Variants in SRGAP2B observed in about 807,000 individuals in gnomAD.
SRGAP2B encodes the protein SLIT-ROBO Rho GTPase-activating protein 2B.
In SRGAP2B, 9 loss-of-function variants were observed where a neutral mutation model predicts 22.2. That is an observed-to-expected ratio of 0.41 (90% CI 0.24 to 0.71). The LOEUF (loss-of-function observed/expected upper bound fraction) is 0.71, where lower values mean the gene tolerates loss of function less well. Ranked by LOEUF, SRGAP2B falls within the 30% of genes least tolerant of loss-of-function variation. The pLI, the probability that SRGAP2B is intolerant of heterozygous loss-of-function variation, is 0.35. For missense variants in SRGAP2B, 114 were observed against 235.8 expected (o/e 0.48, Z 3.38); for synonymous variants, 36 against 87.4 (o/e 0.41, Z 3.28).
At chr1:145,010,708 T>C (rs1400144516) in intron 2 of SRGAP2B, among the ~76,000 whole-genome samples, 6 of 150,716 alleles carry the variant, frequency 4.0e-5, no homozygotes, top group African/African-American at 1.2e-4. Flanking sequence ...GCCACCCTTC[T>C]GTTTATGTGT....
intron 2 of SRGAP2B, among the ~76,000 whole-genome samples, chr1:145,030,005 C>G (rs1386821084): frequency 6.9e-6 from 1 of 145,546 alleles, no homozygotes; most frequent in Non-Finnish European, 1.5e-5. Flanking sequence ...GTTAAATTCA[C>G]TCTGTGATTT....
chr1:145,058,186 C>T (rs1553630762), intron 2 of SRGAP2B, among the ~76,000 whole-genome samples: 1 of 149,254 alleles, frequency 6.7e-6, no homozygotes, highest in Non-Finnish European at 1.5e-5. Flanking sequence ...CCTTAGTTTC[C>T]TCACTTCTGA....
intron 2 of SRGAP2B, among the ~76,000 whole-genome samples, chr1:145,025,924 G>A (rs1442186625): frequency 6.7e-6 from 1 of 150,166 alleles, no homozygotes; most frequent in African/African-American, 2.4e-5. Flanking sequence ...ATGGTCTGGG[G>A]GTACCTACAA....
At chr1:145,020,786 T>A (rs1672744822) in intron 2 of SRGAP2B, among the ~76,000 whole-genome samples, 1 of 150,096 alleles carries the variant, frequency 6.7e-6, no homozygotes. Context: ...AAAAAAAGGG[T>A]CTTCTACTCT....
intron 7 of SRGAP2B, among the ~76,000 whole-genome samples, chr1:144,898,578 C>G (rs1403043481): frequency 1.3e-5 from 2 of 149,998 alleles, no homozygotes; most frequent in African/African-American, 5.0e-5. Context: ...AAAGAAGAAT[C>G]TATGCATAGA....
In SRGAP2B at chr1:145,030,373, AGC is replaced by A. The variant is rs1355634812; in HGVS notation, c.68-35175_68-35174del. ...TATATTCCATGTTTGAATACTATAC[AGC>A]CATAAAAAAGGATGAGTTCAAGTCC... On this transcript the variant is annotated intron_variant, in intron 2 of 9. Coordinates refer to ENST00000612199, the Ensembl canonical transcript of SRGAP2B. Among the ~76,000 whole-genome samples, 114 of 149,152 alleles carry A rather than the reference AGC, an allele frequency of 7.6e-4. 3 individuals carry two copies. Among genetic ancestry groups the A allele is most frequent in the African/African-American group, 2.8e-3 (111 of 39,038 alleles).
intron 4 of SRGAP2B, among the ~76,000 whole-genome samples, chr1:144,929,064 AAC>A (rs2101822053): frequency 7.3e-6 from 1 of 137,370 alleles, no homozygotes; most frequent in Non-Finnish European, 1.5e-5. Flanking sequence ...CCCAATAAAT[AAC>A]AGTGTCAAAA....
intron 4 of SRGAP2B, among the ~76,000 whole-genome samples, chr1:144,948,822 T>C (rs1353751418): frequency 2.5e-5 from 1 of 39,824 alleles, no homozygotes; most frequent in Non-Finnish European, 4.2e-5. Flanking sequence ...AATATCCCCA[T>C]CACAAGATCC....
At chr1:145,061,830 T>A (rs1305534657) in intron 2 of SRGAP2B, among the ~76,000 whole-genome samples, 14 of 126,258 alleles carry the variant, frequency 1.1e-4, no homozygotes, top group Non-Finnish European at 2.0e-4. Flanking sequence ...ATTTTTAAGT[T>A]AAAATAAAAT....
intron 2 of SRGAP2B, among the ~76,000 whole-genome samples, chr1:144,996,296 TC>T (rs1380724081): frequency 2.7e-5 from 4 of 147,232 alleles, no homozygotes; most frequent in Non-Finnish European, 6.0e-5. Context: ...ATTTCTTTCA[TC>T]TTTTCCCTCT....
intron 4 of SRGAP2B, among the ~76,000 whole-genome samples, chr1:144,932,418 CTCG>C (rs1553605814): frequency 1.3e-5 from 2 of 151,140 alleles, no homozygotes; most frequent in Non-Finnish European, 2.9e-5. Context: ...ATGGGGTGGA[CTCG>C]TCAGTTCCGC....
intron 2 of SRGAP2B, among the ~76,000 whole-genome samples, chr1:144,999,091 T>C (rs1553619104): frequency 1.3e-5 from 2 of 150,732 alleles, no homozygotes; most frequent in African/African-American, 5.0e-5. Context: ...ACATCATGTG[T>C]ACACACTCAA....
chr1:145,064,326 G>A (rs1262073979), intron 2 of SRGAP2B, among the ~76,000 whole-genome samples: 2 of 148,612 alleles, frequency 1.3e-5, no homozygotes, highest in East Asian at 3.9e-4. Flanking sequence ...CCCTGCAGGG[G>A]AAAGAAGATG....
chr1:145,020,874 A>G (rs368362523), intron 2 of SRGAP2B, among the ~76,000 whole-genome samples: 16,458 of 95,794 alleles, frequency 0.17, 9 homozygotes, highest in East Asian at 0.32. Context: ...ATCTTGGCTC[A>G]CTGCAAACCC....
At chr1:144,984,487 G>A (rs1669573749) in intron 3 of SRGAP2B, among the ~76,000 whole-genome samples, 2 of 149,880 alleles carry the variant, frequency 1.3e-5, no homozygotes, top group Admixed American at 6.6e-5. Context: ...AAGCTCACTT[G>A]AAACCTGAAT....
At chr1:144,923,514 A>T (rs1664409262) in intron 4 of SRGAP2B, among the ~76,000 whole-genome samples, 1 of 149,358 alleles carries the variant, frequency 6.7e-6, no homozygotes, top group Admixed American at 6.7e-5. Flanking sequence ...AAGACACAAA[A>T]GCAAACAGGC....
intron 3 of SRGAP2B, among the ~76,000 whole-genome samples, chr1:144,993,984 T>A (rs7549295): frequency 6.0e-5 from 9 of 150,264 alleles, no homozygotes; most frequent in Non-Finnish European, 1.0e-4. Context: ...CAATTTTTTT[T>A]AAGCTCATCA....
intron 4 of SRGAP2B, among the ~76,000 whole-genome samples, chr1:144,945,580 C>T (rs1383445519): frequency 1.3e-5 from 2 of 150,770 alleles, no homozygotes; most frequent in East Asian, 3.9e-4. Flanking sequence ...GACAGAGACT[C>T]CATCTCTTTA....
intron 3 of SRGAP2B, among the ~76,000 whole-genome samples, chr1:144,971,164 CTTG>C (rs1553613174): frequency 6.8e-6 from 1 of 146,314 alleles, no homozygotes; most frequent in South Asian, 2.2e-4. Context: ...GAGTTTCACT[CTTG>C]TTGTCCAGGC....
Sources: gnomAD v4.1 joint callset for allele counts (sites outside exome capture counted in the v4.1 genomes callset) on GRCh38, gnomAD v4.1.1 for gene constraint, MANE v1.5 for transcripts, NCBI Gene and HGNC (gene_info 2026-07-23, HGNC 2026-07-21) for gene names.